Variants in SLC9A1 observed in about 807,000 individuals in gnomAD.
SLC9A1 encodes the protein solute carrier family 9 member A1, also known as sodium/hydrogen exchanger 1.
In SLC9A1, 22 loss-of-function variants were observed where a neutral mutation model predicts 67.9. The observed-to-expected ratio is 0.32, with a 90% CI of 0.23 to 0.46. The LOEUF (loss-of-function observed/expected upper bound fraction) is 0.46. Among genes scored for constraint, SLC9A1 ranks in the 20% least tolerant of loss-of-function variants. The pLI, the probability that SLC9A1 is intolerant of heterozygous loss-of-function variation, is 1.00. For missense variants in SLC9A1, 686 were observed against 1,094.8 expected (o/e 0.63, Z 5.27); for synonymous variants, 421 against 471.8 (o/e 0.89, Z 1.40).
intron 1 of SLC9A1, among the ~76,000 whole-genome samples, chr1:27,136,951 AT>A (rs2083423991): frequency 6.6e-6 from 1 of 152,168 alleles, no homozygotes. Flanking sequence ...TCTGCATTGA[AT>A]CCAAGGCCCT....
intron 1 of SLC9A1, among the ~76,000 whole-genome samples, chr1:27,117,191 A>T (rs534792454): frequency 2.4e-4 from 37 of 152,054 alleles, no homozygotes; most frequent in African/African-American, 8.7e-4. Context: ...GCTGGAGGGG[A>T]GACAGGCACA....
chr1:27,105,024 C>T (rs915525014), intron 5 of SLC9A1, among the ~76,000 whole-genome samples: 7 of 152,166 alleles, frequency 4.6e-5, no homozygotes, highest in Non-Finnish European at 7.3e-5. Flanking sequence ...GGAATCATCT[C>T]GCCTGGTTCC....
intron 1 of SLC9A1, among the ~76,000 whole-genome samples, chr1:27,149,085 G>C (rs1041036857): frequency 1.3e-5 from 2 of 152,228 alleles, no homozygotes; most frequent in African/African-American, 2.4e-5. Context: ...CAGGTGCACA[G>C]CTGGACACAG....
chr1:27,110,885 G>A (rs932391093), intron 2 of SLC9A1, among the ~76,000 whole-genome samples: 30 of 152,216 alleles, frequency 2.0e-4, no homozygotes, highest in Admixed American at 1.4e-3. Context: ...GGAAGGGAGG[G>A]AAGGACGTGA....
Position 27,109,493 on chromosome 1 carries a change from C to T in SLC9A1, c.1064+34G>A, listed in dbSNP as rs200553904. 9.3e-6 allele frequency: 15 copies of T among 1,606,058 alleles called. No individual in the cohort carries two copies. Among genetic ancestry groups the T allele is most frequent in the African/African-American group, 2.7e-5 (2 of 74,842 alleles). On this transcript the variant is annotated intron_variant, in intron 3 of 11. Transcript: ENST00000263980. The surrounding 1 kb of genome is among the most constrained non-coding windows in gnomAD (Gnocchi z 5.5). Reference sequence around the variant, plus strand: ...AAGCTGGCAGCCCCCGCCCCCACCCCGCCAAGCCCACTGCCTGCTGCACGC... The same window carrying T: ...AAGCTGGCAGCCCCCGCCCCCACCCTGCCAAGCCCACTGCCTGCTGCACGC...
chr1:27,123,835 T>A (rs1049219449), intron 1 of SLC9A1, among the ~76,000 whole-genome samples: 9 of 149,212 alleles, frequency 6.0e-5, no homozygotes, highest in Non-Finnish European at 8.9e-5. Context: ...TAAAAAAAAA[T>A]TTTTTTTTTG....
Position 27,101,109 on chromosome 1 carries a change from C to T in SLC9A1, c.2110+94G>A, listed in dbSNP as rs2083139766. 2 of 961,502 alleles carry T rather than the reference C, an allele frequency of 2.1e-6. No individual in the cohort carries two copies. Among genetic ancestry groups the T allele is most frequent in the Admixed American group, 2.0e-5 (1 of 50,070 alleles). The allele number at this position is 961,502 out of a possible 1,614,324, so 59.6% of individuals were successfully genotyped here. On this transcript the variant is annotated intron_variant, in intron 11 of 11. Transcript: ENST00000263980. The surrounding 1 kb of genome is among the most constrained non-coding windows in gnomAD (Gnocchi z 4.9). ...GAGGTCAGCGAGGGCCAGGCCTGTC[C>T]TCCCAGTGGCTGAGGACTGTTCCTG...
intron 1 of SLC9A1, among the ~76,000 whole-genome samples, chr1:27,126,588 T>C (rs765330838): frequency 1.2e-4 from 18 of 152,130 alleles, no homozygotes; most frequent in African/African-American, 4.8e-5. Context: ...ATTAAGAGTC[T>C]GATGACACGG....
At chr1:27,141,911 A>G (rs1281347481) in intron 1 of SLC9A1, among the ~76,000 whole-genome samples, 3 of 152,178 alleles carry the variant, frequency 2.0e-5, no homozygotes, top group Non-Finnish European at 4.4e-5. Flanking sequence ...GATGCTATAA[A>G]AAGCACAGCA....
At chr1:27,112,848 C>T (rs1183290726) in intron 2 of SLC9A1, among the ~76,000 whole-genome samples, 1 of 142,988 alleles carries the variant, frequency 7.0e-6, no homozygotes, top group Non-Finnish European at 1.5e-5. Flanking sequence ...TGCGTCACTG[C>T]ACTCCTGTCT....
intron 4 of SLC9A1, 99 bp downstream of exon 4, chr1:27,107,549 T>C: frequency 2.3e-6 from 2 of 873,244 alleles, no homozygotes; most frequent in Non-Finnish European, 3.6e-6. Flanking sequence ...CCCTTCCACA[T>C]AGTGCACTGC....
chr1:27,119,490 C>T (rs2083292326), intron 1 of SLC9A1, among the ~76,000 whole-genome samples: 1 of 152,198 alleles, frequency 6.6e-6, no homozygotes, highest in Non-Finnish European at 1.5e-5. Flanking sequence ...TTCTTTAACT[C>T]CCTCTTCAAC....
At position 27,103,307 on chromosome 1, in the gene SLC9A1, C is replaced by T; in HGVS notation, c.1491G>A (p.Met497Ile). 6.2e-7 allele frequency: 1 copy of T among 1,613,494 alleles called. No homozygotes were observed. The highest frequency in any genetic ancestry group is 8.5e-7 in the Non-Finnish European group (1 of 1,179,534). Residue 497 changes from methionine to isoleucine, a missense_variant, in exon 6 of 12, where the codon ATG becomes ATA. Coordinates refer to ENST00000263980, the MANE Select transcript of SLC9A1 (RefSeq NM_003047.5). ...ACAGGTCTACCAGGGGCCGAATGGTCATGCCCTGGGGGGCAGGCAGGTGTC... is the reference window on the plus strand; with the variant it reads ...ACAGGTCTACCAGGGGCCGAATGGTTATGCCCTGGGGGGCAGGCAGGTGTC... ...VIFFTVFVQG[M>I]TIRPLVDLLA... is the part of the protein sequence containing the mutation.
rs1176707587 is a variant in SLC9A1, at chr1:27,154,195, C to T, written c.140G>A (p.Arg47Gln). ...LQLSPTASTIRSSEPPRERSI... is the reference protein window; with the variant it reads ...LQLSPTASTIQSSEPPRERSI... Reference sequence around the variant, plus strand: ...GCGTTCTCGTGGTGGCTCTGAGCTTCGAATGGTGCTGGCAGTTGGGCTGAG... The same window carrying T: ...GCGTTCTCGTGGTGGCTCTGAGCTTTGAATGGTGCTGGCAGTTGGGCTGAG... Residue 47 changes from arginine (R) to glutamine (Q), a missense_variant, in exon 1 of 12, where the codon CGA becomes CAA. Transcript: ENST00000263980. 2 of 1,614,056 alleles carry T rather than the reference C, an allele frequency of 1.2e-6. No homozygotes were observed. The highest frequency in any genetic ancestry group is 2.2e-5 in the East Asian group (1 of 44,878).
At chr1:27,105,834 C>G (rs763287280) in intron 5 of SLC9A1, 51 bp downstream of exon 5, 15 of 1,452,314 alleles carry the variant, frequency 1.0e-5, no homozygotes, top group African/African-American at 1.4e-5. Context: ...TCCACGGGAA[C>G]AGCCTGTGAG....
In SLC9A1 at chr1:27,100,151, G is replaced by A. The variant is rs552011931; in HGVS notation, c.*156C>T. 1.3e-4 allele frequency: 65 copies of A among 514,732 alleles called. 1 individual carries two copies. In the East Asian group the frequency reaches 2.0e-3, roughly 16 times the overall value. 31.9% of individuals were successfully genotyped at this position (514,732 alleles called of 1,614,324 possible). A position where few individuals can be genotyped will look rare whatever the true frequency, so the allele number is the denominator to read the frequency against. On this transcript the variant is annotated 3_prime_UTR_variant, in exon 12 of 12. Coordinates refer to ENST00000263980, the MANE Select transcript of SLC9A1 (RefSeq NM_003047.5). This position sits in a 1 kb window ranked among gnomAD's most constrained non-coding sequence, Gnocchi z 5.6. ...TGCTTCCCGGGAGGCGGCAGGGGAG[G>A]AGCTGTGCTGGGGTGGGGGCTGTGG...
chr1:27,154,532 G>C lies in SLC9A1; in HGVS notation c.-198C>G. 1.9e-6 allele frequency: 1 copy of C among 531,474 alleles called. No individual in the cohort carries two copies. The highest frequency in any genetic ancestry group is 3.3e-6 in the Non-Finnish European group (1 of 300,482). 32.9% of individuals were successfully genotyped at this position (531,474 alleles called of 1,614,324 possible). On this transcript the variant is annotated 5_prime_UTR_variant, in exon 1 of 12. Coordinates refer to ENST00000263980, the MANE Select transcript of SLC9A1 (RefSeq NM_003047.5). Reference sequence around the variant, plus strand: ...GTTTGCAATCTGGAACTCCAAAGTGGGGAAAGGGGGCAAGGACCCAGGAAC... The same window carrying C: ...GTTTGCAATCTGGAACTCCAAAGTGCGGAAAGGGGGCAAGGACCCAGGAAC...
At chr1:27,111,124 G>A (rs573936428) in intron 2 of SLC9A1, among the ~76,000 whole-genome samples, 21 of 152,052 alleles carry the variant, frequency 1.4e-4, no homozygotes, top group Non-Finnish European at 2.5e-4. Context: ...GGCCTGGTGC[G>A]GCCTGGCCCC....
In SLC9A1 at chr1:27,109,189, A is replaced by G. The variant is rs767136364; in HGVS notation, c.1064+338T>C. Reference sequence around the variant, plus strand: ...AGTAGCAGGGCTGTGGCTTTCCTCAACCTGAAGCTTAGTGGCTTCCAAGGC... The same window carrying G: ...AGTAGCAGGGCTGTGGCTTTCCTCAGCCTGAAGCTTAGTGGCTTCCAAGGC... On this transcript the variant is annotated intron_variant, in intron 3 of 11. Transcript: ENST00000263980. The surrounding 1 kb of genome is among the most constrained non-coding windows in gnomAD (Gnocchi z 5.5). 1.8e-4 allele frequency among the ~76,000 whole-genome samples: 28 copies of G among 151,734 alleles called. No individual in the cohort carries two copies. The highest frequency in any genetic ancestry group is 3.4e-4 in the Non-Finnish European group (23 of 67,908).
Sources: gnomAD v4.1 joint callset for allele counts (sites outside exome capture counted in the v4.1 genomes callset) on GRCh38, gnomAD v4.1.1 for gene constraint, Gnocchi (gnomAD v3.1) non-coding constraint, MANE v1.5 for transcripts, NCBI Gene and HGNC (gene_info 2026-07-23, HGNC 2026-07-21) for gene names.